ERC2: variants seen among roughly 807,000 people sequenced by gnomAD.
ERC2 encodes the protein ERC protein 2.
In ERC2, 42 loss-of-function variants were observed where a neutral mutation model predicts 114.8. The ratio of observed to expected loss-of-function variants is 0.37; its 90% CI spans 0.29 to 0.47. ERC2 has a LOEUF of 0.47. ERC2 is among the 20% of genes least tolerant of loss of function. ERC2 has a pLI of 0.99. For synonymous variants in ERC2, 454 were observed against 425.5 expected, an observed-to-expected ratio of 1.07 and a Z score of -0.82; for missense variants, 939 against 1,150.7, an observed-to-expected ratio of 0.82 and a Z score of 2.66.
intron 2 of ERC2, among the ~76,000 whole-genome samples, chr3:56,388,914 T>G (rs2060031184): frequency 1.3e-5 from 2 of 152,256 alleles, no homozygotes; most frequent in South Asian, 4.1e-4. Flanking sequence ...TGTATCAACC[T>G]TTAAAATCAA....
chr3:55,635,130 G>A (rs1289122284), intron 17 of ERC2, among the ~76,000 whole-genome samples: 1 of 152,066 alleles, frequency 6.6e-6, no homozygotes, highest in Non-Finnish European at 1.5e-5. Flanking sequence ...CTGCCTGCCT[G>A]CCTCAGCCTA....
intron 1 of ERC2, among the ~76,000 whole-genome samples, chr3:56,437,117 T>C (rs2062057465): frequency 6.6e-6 from 1 of 152,240 alleles, no homozygotes; most frequent in Non-Finnish European, 1.5e-5. Context: ...TGATAACAAA[T>C]GTGAAGTAAG....
intron 2 of ERC2, among the ~76,000 whole-genome samples, chr3:56,320,104 AC>A (rs1011474463): frequency 6.6e-6 from 1 of 152,238 alleles, no homozygotes; most frequent in African/African-American, 2.4e-5. Flanking sequence ...CCAAGGGAAT[AC>A]AACGGGGAGG....
intron 14 of ERC2, 113 bp downstream of exon 14, chr3:55,888,275 GA>G: frequency 8.1e-7 from 1 of 1,241,328 alleles, no homozygotes; most frequent in Non-Finnish European, 1.1e-6. Flanking sequence ...AGGCAAGTGT[GA>G]GCTAAATTAT....
At chr3:55,689,884 AT>A (rs2062550799) in intron 16 of ERC2, among the ~76,000 whole-genome samples, 1 of 152,230 alleles carries the variant, frequency 6.6e-6, no homozygotes, top group Non-Finnish European at 1.5e-5. Context: ...TGCTGTGCAA[AT>A]TAAACCCAAG....
At chr3:55,952,170 C>CAA (rs2067591460) in intron 12 of ERC2, among the ~76,000 whole-genome samples, 1 of 64,556 alleles carries the variant, frequency 1.5e-5, no homozygotes, top group South Asian at 5.6e-4. Flanking sequence ...CACACACACA[C>CAA]ACACACACAC....
chr3:55,901,759 G>C (rs2064148997), intron 13 of ERC2, among the ~76,000 whole-genome samples: 1 of 152,188 alleles, frequency 6.6e-6, no homozygotes, highest in Non-Finnish European at 1.5e-5. Context: ...TAAGATCGAT[G>C]AGGCCATTCC....
chr3:56,212,253 C>T (rs2049111156), intron 3 of ERC2, among the ~76,000 whole-genome samples: 1 of 151,976 alleles, frequency 6.6e-6, no homozygotes, highest in Non-Finnish European at 1.5e-5. Flanking sequence ...TCATACAAAT[C>T]AGCAGGAAAA....
chr3:55,921,316 T>C (rs2065414889), intron 13 of ERC2, among the ~76,000 whole-genome samples: 1 of 152,040 alleles, frequency 6.6e-6, no homozygotes, highest in Non-Finnish European at 1.5e-5. Context: ...TCATCCTTAT[T>C]ATGGTGTTGG....
chr3:56,358,597 A>G (rs2058831570), intron 2 of ERC2, among the ~76,000 whole-genome samples: 1 of 152,262 alleles, frequency 6.6e-6, no homozygotes, highest in Non-Finnish European at 1.5e-5. Context: ...AAAAGGCAAT[A>G]ACATCCAAAA....
At chr3:55,569,581 TAGACGAATCGTTTTCAGTGTTTTTG>T (rs1479676335) in intron 17 of ERC2, among the ~76,000 whole-genome samples, 1 of 152,226 alleles carries the variant, frequency 6.6e-6, no homozygotes, top group South Asian at 2.1e-4. Flanking sequence ...ACAATTAAAT[TAGACGAATCGTTTTCAGTGTTTTTG>T]CATTTGATGT....
chr3:56,346,405 C>G (rs2058309380), intron 2 of ERC2, among the ~76,000 whole-genome samples: 1 of 152,052 alleles, frequency 6.6e-6, no homozygotes, highest in African/African-American at 2.4e-5. Context: ...GGATTAAAAA[C>G]TTAAACATAA....
chr3:56,451,030 T>C (rs191657009), intron 1 of ERC2, among the ~76,000 whole-genome samples: 203 of 152,310 alleles, frequency 1.3e-3, no homozygotes, highest in African/African-American at 4.7e-3. Context: ...TAAATAAGGT[T>C]TTCAGATTCG....
chr3:56,085,922 C>T (rs2077476280), intron 6 of ERC2, among the ~76,000 whole-genome samples: 1 of 152,010 alleles, frequency 6.6e-6, no homozygotes, highest in Non-Finnish European at 1.5e-5. Flanking sequence ...TATATCTGGA[C>T]TAAAGGAAAT....
intron 14 of ERC2, among the ~76,000 whole-genome samples, chr3:55,798,889 A>G (rs964298966): frequency 1.3e-5 from 2 of 152,256 alleles, no homozygotes. Context: ...ATGGTAAACC[A>G]AGAACATTAT....
At chr3:55,799,450 C>CATATATATATATATATAT (rs59209006) in intron 14 of ERC2, among the ~76,000 whole-genome samples, 4 of 106,206 alleles carry the variant, frequency 3.8e-5, no homozygotes, top group African/African-American at 1.3e-4. Context: ...TATATATATG[C>CATATATATATATATATAT]ATATATATAT....
intron 15 of ERC2, among the ~76,000 whole-genome samples, chr3:55,718,158 G>T (rs1405196563): frequency 6.6e-6 from 1 of 152,136 alleles, no homozygotes; most frequent in Non-Finnish European, 1.5e-5. Flanking sequence ...TGATGGATTT[G>T]TCCAAGAGGA....
chr3:56,371,906 G>A (rs1472751236), intron 2 of ERC2, among the ~76,000 whole-genome samples: 1 of 152,228 alleles, frequency 6.6e-6, no homozygotes, highest in Non-Finnish European at 1.5e-5. Flanking sequence ...ACCATCTTCT[G>A]TATACGCTAT....
rs1044120268 is a variant in ERC2, at chr3:56,247,047, T to C, written c.1074+48972A>G. Reference sequence around the variant, plus strand: ...AGTCACTGCCTTGGGTATGCATTCATAGAGTACCTGCAGGGTGCAGAGAAC... The same window carrying C: ...AGTCACTGCCTTGGGTATGCATTCACAGAGTACCTGCAGGGTGCAGAGAAC... On this transcript the variant is annotated intron_variant, in intron 3 of 17. Transcript: ENST00000288221. Among the ~76,000 whole-genome samples the C allele has an allele frequency of 5.3e-5, 8 of 152,352 alleles. No homozygotes were observed. The South Asian group carries it at 6.2e-4, about 12-fold the overall frequency.
Sources: gnomAD v4.1 joint callset for allele counts (sites outside exome capture counted in the v4.1 genomes callset) on GRCh38, gnomAD v4.1.1 for gene constraint, MANE v1.5 for transcripts, NCBI Gene and HGNC (gene_info 2026-07-23, HGNC 2026-07-21) for gene names.